The following POLR2F variants were observed in gnomAD, a reference collection of about 807,000 sequenced individuals.
The protein encoded by POLR2F is RNA polymerase II, I and III subunit F, also known as DNA-directed RNA polymerases I, II, and III subunit RPABC2.
POLR2F carries 12 observed loss-of-function variants against 22.7 expected under a neutral mutation model. The ratio of observed to expected loss-of-function variants is 0.53; its 90% CI spans 0.34 to 0.86. The LOEUF is 0.86. POLR2F is among the 40% of genes least tolerant of loss of function. POLR2F has a pLI of 0.02. For synonymous variants in POLR2F, 57 were observed against 66.0 expected (o/e 0.86, Z 0.66); for missense variants, 126 against 171.5 (o/e 0.73, Z 1.48).
Position 37,976,041 on chromosome 22 carries a change from G to A in POLR2F, c.293+8871G>A, listed in dbSNP as rs143149051. 4.1e-3 allele frequency among the ~76,000 whole-genome samples: 627 copies of A among 152,114 alleles called. 6 individuals carry two copies. The highest frequency in any genetic ancestry group is 0.015 in the African/African-American group (607 of 41,462). Reference sequence around the variant, plus strand: ...AATTCGAGACCAGCCTGGCCAACACGGTGAAAAACCATCTCTACTAAAAAT... The same window carrying A: ...AATTCGAGACCAGCCTGGCCAACACAGTGAAAAACCATCTCTACTAAAAAT... On this transcript the variant is annotated intron_variant, in intron 4 of 4. Coordinates refer to the POLR2F transcript ENST00000405557.
chr22:37,957,282 T>C (rs902842001), intron 2 of POLR2F, among the ~76,000 whole-genome samples: 2 of 152,206 alleles, frequency 1.3e-5, no homozygotes, highest in Non-Finnish European at 2.9e-5. Context: ...GGTTACATTT[T>C]AGAAAGTACA....
chr22:38,041,251 A>T, downstream of POLR2F: 1 of 1,278,320 alleles, frequency 7.8e-7, no homozygotes, highest in Non-Finnish European at 1.1e-6. Context: ...TGGCGGGGGC[A>T]GGCACAGGGG....
At chr22:38,034,607 G>A (rs1279250276) in intron 5 of POLR2F, among the ~76,000 whole-genome samples, 3 of 152,186 alleles carry the variant, frequency 2.0e-5, no homozygotes, top group African/African-American at 7.2e-5. Flanking sequence ...CAGCCGTGCA[G>A]CCCTGGACCC....
At chr22:37,975,148 A>G (rs1452146266) in intron 4 of POLR2F, among the ~76,000 whole-genome samples, 1 of 152,190 alleles carries the variant, frequency 6.6e-6, no homozygotes, top group East Asian at 1.9e-4. Context: ...TTAATTTAGC[A>G]AACTCTTAGG....
intron 3 of POLR2F, among the ~76,000 whole-genome samples, chr22:37,963,960 G>A (rs1028844655): frequency 1.3e-5 from 2 of 152,120 alleles, no homozygotes; most frequent in African/African-American, 2.4e-5. Flanking sequence ...AAATTAGCCG[G>A]GTGTGGTGGC....
chr22:38,041,188 A>G, downstream of POLR2F: 1 of 1,597,860 alleles, frequency 6.3e-7, no homozygotes, highest in Admixed American at 1.7e-5. Flanking sequence ...GGACTGGTCA[A>G]GGCGGCCGCC....
intron 1 of POLR2F, among the ~76,000 whole-genome samples, chr22:38,009,636 C>G (rs1439707746): frequency 6.6e-6 from 1 of 152,140 alleles, no homozygotes; most frequent in Non-Finnish European, 1.5e-5. Flanking sequence ...GTACATCTAC[C>G]GTCCCCAAAC....
rs539920005 is a variant in POLR2F, at chr22:37,980,288, G to A, written c.293+13118G>A. On this transcript the variant is annotated intron_variant, in intron 4 of 4. Coordinates refer to the POLR2F transcript ENST00000405557. The surrounding 1 kb of genome is among the most constrained non-coding windows in gnomAD (Gnocchi z 4.1). ...AGGAGAGAGCTGCTCCGCCAGCAGT[G>A]GACCCCAACAGAGGGGCTTCTGGGA... Among the ~76,000 whole-genome samples the A allele has an allele frequency of 1.1e-4, 17 of 152,196 alleles. No individual in the cohort carries two copies. The South Asian group carries it at 3.5e-3, about 32-fold the overall frequency.
intron 1 of POLR2F, among the ~76,000 whole-genome samples, chr22:38,006,403 C>T (rs914631144): frequency 1.3e-5 from 2 of 152,158 alleles, no homozygotes; most frequent in Admixed American, 1.3e-4. Flanking sequence ...GAGCTGACCA[C>T]AGCCACCCAG....
intron 1 of POLR2F, among the ~76,000 whole-genome samples, chr22:38,006,829 G>A (rs1310719626): frequency 6.6e-6 from 1 of 152,174 alleles, no homozygotes; most frequent in South Asian, 2.1e-4. Context: ...TTCCACATCT[G>A]CATGGTGGGG....
At chr22:37,984,112 G>C (rs985108230), upstream of POLR2F, 5 of 206,936 alleles carry the variant, frequency 2.4e-5, no homozygotes, top group African/African-American at 1.2e-4. The surrounding 1 kb of genome is among the most constrained non-coding windows in gnomAD (Gnocchi z 4.4). Flanking sequence ...TTTTTGGGTG[G>C]AGGTTTGTTG....
intron 3 of POLR2F, among the ~76,000 whole-genome samples, chr22:37,962,899 C>G (rs1014602620): frequency 6.6e-6 from 1 of 151,388 alleles, no homozygotes; most frequent in African/African-American, 2.4e-5. Flanking sequence ...ACCGTGTTAG[C>G]GAGGATGGTC....
chr22:37,954,303 T>G (rs1040822666), intron 1 of POLR2F, among the ~76,000 whole-genome samples: 2 of 151,080 alleles, frequency 1.3e-5, no homozygotes, highest in African/African-American at 4.9e-5. Flanking sequence ...TCCTTTGCAG[T>G]AATTTTTTTT....
rs12170378 is a variant in POLR2F at position 37,986,297 on chromosome 22, G to A, written c.107G>A (p.Gly36Asp). ...TGCCCGCCCGCTGCCTGCCTGCCTG[G>A]CATCTCTCTCTCCCGGTGGGTCCCC... The change falls in exon 1 of 3, where the codon GGC (glycine) becomes GAC (aspartate). Residue 36 changes from glycine (G) to aspartate (D), a missense_variant. By Grantham distance (94) the Gly-to-Asp change is moderately conservative (BLOSUM62 -1). Transcript: ENST00000333418. This position sits in a 1 kb window ranked among gnomAD's most constrained non-coding sequence, Gnocchi z 4.7. 45,501 of 1,537,700 alleles carry A rather than the reference G, an allele frequency of 0.03. 1,663 individuals are homozygous for A. The highest frequency in any genetic ancestry group is 0.21 in the East Asian group (8,685 of 40,878).
chr22:37,967,024 G>C (rs1046885255), intron 3 of POLR2F, 75 bp from the exon 4 acceptor site: 1 of 1,098,832 alleles, frequency 9.1e-7, no homozygotes, highest in African/African-American at 1.6e-5. Context: ...CCAGGATGCC[G>C]TTCCACCCTC....
chr22:37,966,520 C>G (rs1464541321), intron 3 of POLR2F, among the ~76,000 whole-genome samples: 1 of 152,116 alleles, frequency 6.6e-6, no homozygotes, highest in Non-Finnish European at 1.5e-5. Context: ...TGCCTTTCAT[C>G]CCAGCAATCT....
chr22:37,966,981 G>T, intron 3 of POLR2F, 118 bp from the exon 4 acceptor site: 1 of 694,736 alleles, frequency 1.4e-6, no homozygotes, highest in Non-Finnish European at 2.5e-6. Flanking sequence ...TACTGTGCCT[G>T]CCTACCTAGA....
chr22:38,027,099 G>A (rs557245464), downstream of POLR2F, among the ~76,000 whole-genome samples: 4 of 152,270 alleles, frequency 2.6e-5, no homozygotes, highest in Admixed American at 6.5e-5. Flanking sequence ...GCAGTGTGTC[G>A]TGGAGTGCGA....
exon 3 of POLR2F, chr22:38,026,588 C>T: frequency 3.3e-6 from 1 of 302,148 alleles, no homozygotes. Flanking sequence ...AAGCCGCCCC[C>T]TCCCCCGGCT....
Sources: gnomAD v4.1 joint callset for allele counts (sites outside exome capture counted in the v4.1 genomes callset) on GRCh38, gnomAD v4.1.1 for gene constraint, Gnocchi (gnomAD v3.1) non-coding constraint, MANE v1.5 for transcripts, NCBI Gene and HGNC (gene_info 2026-07-23, HGNC 2026-07-21) for gene names.